ROBO1: variants seen among roughly 807,000 people sequenced by gnomAD.
The protein encoded by ROBO1 is roundabout homolog 1.
ROBO1 carries 149 observed loss-of-function variants against 195.9 expected under a neutral mutation model. The ratio of observed to expected loss-of-function variants is 0.76; its 90% confidence interval spans 0.67 to 0.87. The LOEUF is 0.87. Ranked by LOEUF, ROBO1 falls within the 40% of genes least tolerant of loss-of-function variation. ROBO1 has a pLI of 0.00. For synonymous variants in ROBO1, 816 were observed against 733.2 expected (o/e 1.11, Z -1.82); for missense variants, 1,933 against 2,068.3 (o/e 0.93, Z 1.27).
At chr3:79,339,344 C>CA (rs1344967734) in intron 2 of ROBO1, among the ~76,000 whole-genome samples, 2 of 152,192 alleles carry the variant, frequency 1.3e-5, no homozygotes, top group African/African-American at 4.8e-5. Flanking sequence ...TGATCTTCCT[C>CA]ATCCCTCTTA....
At chr3:79,365,530 C>CT (rs1559847998) in intron 2 of ROBO1, among the ~76,000 whole-genome samples, 3 of 152,160 alleles carry the variant, frequency 2.0e-5, no homozygotes, top group African/African-American at 7.2e-5. Flanking sequence ...CATGAAAGTG[C>CT]TACCAACCCC....
At chr3:78,648,593 A>T (rs1301694170) in intron 19 of ROBO1, among the ~76,000 whole-genome samples, 1 of 151,968 alleles carries the variant, frequency 6.6e-6, no homozygotes, top group Non-Finnish European at 1.5e-5. Context: ...GGATAACGGC[A>T]GAGCAATTTC....
intron 4 of ROBO1, among the ~76,000 whole-genome samples, chr3:78,868,404 T>C (rs1229889102): frequency 6.6e-6 from 1 of 151,918 alleles, no homozygotes; most frequent in Non-Finnish European, 1.5e-5. Context: ...ACCAAAAAAG[T>C]TGACATTACC....
intron 2 of ROBO1, among the ~76,000 whole-genome samples, chr3:79,569,062 C>T (rs1344626560): frequency 1.3e-5 from 2 of 152,108 alleles, no homozygotes; most frequent in African/African-American, 4.8e-5. Context: ...TCCCTCATAG[C>T]TTTGTGTTTG....
chr3:78,924,077 G>A (rs73120636), intron 4 of ROBO1, among the ~76,000 whole-genome samples: 1 of 151,688 alleles, frequency 6.6e-6, no homozygotes, highest in Non-Finnish European at 1.5e-5. Context: ...ACATGTATAA[G>A]TATGTATACA....
In ROBO1 at chr3:78,957,233, C is replaced by T. The variant is rs572427915; in HGVS notation, c.173-18306G>A. Among the ~76,000 whole-genome samples, 10 of 150,928 alleles carry T rather than the reference C, an allele frequency of 6.6e-5. 2 individuals carry two copies. The highest frequency in any genetic ancestry group is 6.6e-4 in the Admixed American group (10 of 15,158). ...TAACTCTTTTGCATTCATTTATTCA[C>T]TCGAAATATATGTACTAAATGTCCA... On this transcript the variant is annotated intron_variant, in intron 3 of 30. Coordinates refer to ENST00000464233, the MANE Select transcript of ROBO1 (RefSeq NM_002941.4).
intron 1 of ROBO1, among the ~76,000 whole-genome samples, chr3:79,755,644 T>C (rs145915016): frequency 1.3e-5 from 2 of 150,024 alleles, no homozygotes; most frequent in South Asian, 2.1e-4. Context: ...ATAATCAGAA[T>C]GTGAATCATT....
intron 2 of ROBO1, among the ~76,000 whole-genome samples, chr3:79,579,477 T>C (rs1943592602): frequency 6.6e-6 from 1 of 152,144 alleles, no homozygotes; most frequent in Non-Finnish European, 1.5e-5. Context: ...TCTACCAAAC[T>C]AGATGCAAGA....
chr3:79,747,770 T>C (rs73126782), intron 1 of ROBO1, among the ~76,000 whole-genome samples: 1 of 152,006 alleles, frequency 6.6e-6, no homozygotes, highest in Non-Finnish European at 1.5e-5. Context: ...ATATGTAGTG[T>C]GTTTCAGGAA....
At chr3:79,114,064 T>C (rs1247083106) in intron 3 of ROBO1, among the ~76,000 whole-genome samples, 2 of 151,926 alleles carry the variant, frequency 1.3e-5, no homozygotes, top group Non-Finnish European at 2.9e-5. Flanking sequence ...TAAATGGGAG[T>C]TCCCCTGCAC....
At chr3:79,584,624 T>TATAC (rs1437015020) in intron 2 of ROBO1, among the ~76,000 whole-genome samples, 1 of 137,236 alleles carries the variant, frequency 7.3e-6, no homozygotes, top group Non-Finnish European at 1.5e-5. Context: ...TGTGTGTGTG[T>TATAC]GTGTGTGTGT....
intron 28 of ROBO1, among the ~76,000 whole-genome samples, chr3:78,611,856 G>A (rs1301992179): frequency 6.6e-6 from 1 of 152,190 alleles, no homozygotes; most frequent in Non-Finnish European, 1.5e-5. Context: ...ATCAGGTGAA[G>A]CACAGGGAGA....
chr3:78,897,536 G>C (rs563528646), intron 4 of ROBO1, among the ~76,000 whole-genome samples: 1 of 152,260 alleles, frequency 6.6e-6, no homozygotes, highest in South Asian at 2.1e-4. Context: ...AAATTAATGA[G>C]ATACCTTTTG....
intron 1 of ROBO1, among the ~76,000 whole-genome samples, chr3:79,716,808 G>C: frequency 6.6e-6 from 1 of 151,922 alleles, no homozygotes; most frequent in Non-Finnish European, 1.5e-5. Flanking sequence ...GGTTATTAAA[G>C]AGATGTCTGA....
At chr3:78,870,291 T>A (rs1276281749) in intron 4 of ROBO1, among the ~76,000 whole-genome samples, 1 of 152,192 alleles carries the variant, frequency 6.6e-6, no homozygotes, top group Non-Finnish European at 1.5e-5. Context: ...GTTAAGTTAG[T>A]AATAATTCCA....
chr3:79,451,010 G>A (rs1030742450), intron 2 of ROBO1, among the ~76,000 whole-genome samples: 3 of 151,626 alleles, frequency 2.0e-5, no homozygotes, highest in African/African-American at 4.8e-5. Flanking sequence ...CAATATTAAA[G>A]TTGTGAATTC....
At chr3:78,632,105 T>A (rs1331446096) in intron 24 of ROBO1, among the ~76,000 whole-genome samples, 5 of 152,160 alleles carry the variant, frequency 3.3e-5, no homozygotes, top group African/African-American at 1.2e-4. Flanking sequence ...TTCCAATATG[T>A]TATATTTTTG....
intron 28 of ROBO1, among the ~76,000 whole-genome samples, chr3:78,614,102 G>A (rs1302812373): frequency 2.0e-5 from 3 of 152,146 alleles, no homozygotes; most frequent in Non-Finnish European, 4.4e-5. Context: ...TTTTCCTCCT[G>A]TGCTCCCTCG....
intron 1 of ROBO1, among the ~76,000 whole-genome samples, chr3:79,669,883 A>G (rs1946583668): frequency 6.6e-6 from 1 of 151,948 alleles, no homozygotes. Context: ...CTTAAGTTAG[A>G]GAAAATAAAT....
Sources: gnomAD v4.1 joint callset for allele counts (sites outside exome capture counted in the v4.1 genomes callset) on GRCh38, gnomAD v4.1.1 for gene constraint, MANE v1.5 for transcripts, NCBI Gene and HGNC (gene_info 2026-07-23, HGNC 2026-07-21) for gene names.